Variants in PVT1 observed in about 807,000 individuals in gnomAD.
PVT1 encodes CXCR4/PVT1 fusion.
intron 2 of PVT1, among the ~76,000 whole-genome samples, chr8:127,848,292 C>T (rs556506745): frequency 2.0e-4 from 31 of 152,296 alleles, no homozygotes; most frequent in Admixed American, 2.0e-3. Flanking sequence ...TGGCATGTGC[C>T]TGTAGTCTCA....
At chr8:128,004,889 C>T (rs2130024530) in intron 4 of PVT1, among the ~76,000 whole-genome samples, 1 of 152,254 alleles carries the variant, frequency 6.6e-6, no homozygotes, top group East Asian at 1.9e-4. Context: ...GCCTGTAATC[C>T]CAGCACTTTG....
At chr8:127,927,943 A>T (rs1816151291) in intron 3 of PVT1, among the ~76,000 whole-genome samples, 1 of 152,230 alleles carries the variant, frequency 6.6e-6, no homozygotes, top group African/African-American at 2.4e-5. Context: ...AAAAATTCTC[A>T]GTGCGGTTGG....
intron 5 of PVT1, among the ~76,000 whole-genome samples, chr8:128,074,835 A>G (rs1356227702): frequency 6.6e-6 from 1 of 152,188 alleles, no homozygotes; most frequent in Non-Finnish European, 1.5e-5. Flanking sequence ...TCTTCCTCTC[A>G]CACTGCAGGC....
chr8:128,061,688 A>T (rs543053603), intron 4 of PVT1, among the ~76,000 whole-genome samples: 71 of 152,320 alleles, frequency 4.7e-4, no homozygotes, highest in African/African-American at 1.7e-3. Flanking sequence ...CTCCATTCAT[A>T]TGACGGTGCT....
intron 4 of PVT1, among the ~76,000 whole-genome samples, chr8:128,050,359 A>C (rs1398397835): frequency 6.6e-6 from 1 of 152,206 alleles, no homozygotes; most frequent in Non-Finnish European, 1.5e-5. Flanking sequence ...ACTCAAAAAC[A>C]GTAGCTCCGT....
At chr8:127,939,230 G>A (rs890436) in intron 3 of PVT1, among the ~76,000 whole-genome samples, 51,334 of 152,028 alleles carry the variant, frequency 0.34, 8,968 homozygotes, top group East Asian at 0.54. Context: ...GTACAAAGGT[G>A]GGGCTGTGGC....
At chr8:127,958,642 G>T (rs1271735716) in intron 3 of PVT1, among the ~76,000 whole-genome samples, 1 of 152,178 alleles carries the variant, frequency 6.6e-6, no homozygotes, top group African/African-American at 2.4e-5. Flanking sequence ...AGAAAGTCAG[G>T]CGCCAGAGGT....
At position 128,085,434 on chromosome 8, in the gene PVT1, T is replaced by C. The variant is rs75815380; in HGVS notation, n.1115-11084T>C. 3.3e-3 allele frequency among the ~76,000 whole-genome samples: 506 copies of C among 152,294 alleles called. 6 individuals carry two copies. The highest frequency in any genetic ancestry group is 0.012 in the African/African-American group (493 of 41,560). On this transcript the variant is annotated intron_variant and non_coding_transcript_variant, in intron 5 of 10. Coordinates refer to ENST00000651587, the Ensembl canonical transcript of PVT1. ...GCAGTAAATATGTAATCCACAATAG[T>C]AATGAGAACCCCACCTTAACTCTTC...
intron 3 of PVT1, among the ~76,000 whole-genome samples, chr8:127,920,828 TC>T (rs1242933759): frequency 6.6e-6 from 1 of 152,208 alleles, no homozygotes; most frequent in African/African-American, 2.4e-5. Flanking sequence ...TAGTTTGTAT[TC>T]CATATGCTTT....
intron 4 of PVT1, among the ~76,000 whole-genome samples, chr8:128,064,076 A>G (rs1310033559): frequency 6.6e-6 from 1 of 152,218 alleles, no homozygotes. Flanking sequence ...AACCAAAGCT[A>G]GAACTCATTG....
chr8:128,060,610 C>T (rs1192351531), intron 4 of PVT1, among the ~76,000 whole-genome samples: 1 of 152,192 alleles, frequency 6.6e-6, no homozygotes, highest in East Asian at 1.9e-4. Flanking sequence ...GACCTTCTTT[C>T]CTGAACACCA....
intron 2 of PVT1, among the ~76,000 whole-genome samples, chr8:127,857,767 C>T (rs918508572): frequency 1.3e-5 from 2 of 152,214 alleles, no homozygotes; most frequent in South Asian, 2.1e-4. Context: ...CTTTTTTACC[C>T]TCATGTTCTC....
chr8:127,887,413 A>G (rs996084827), intron 2 of PVT1, among the ~76,000 whole-genome samples: 5 of 152,204 alleles, frequency 3.3e-5, no homozygotes, highest in Admixed American at 2.6e-4. Flanking sequence ...ATTTTTAGAA[A>G]TATTTGTTCA....
intron 4 of PVT1, among the ~76,000 whole-genome samples, chr8:128,067,408 C>T (rs1354449868): frequency 1.3e-5 from 2 of 152,208 alleles, no homozygotes; most frequent in Non-Finnish European, 2.9e-5. Flanking sequence ...CCAGTCCTTC[C>T]TTCCACGGCT....
intron 4 of PVT1, among the ~76,000 whole-genome samples, chr8:128,045,445 A>G (rs1266613896): frequency 2.0e-5 from 3 of 152,176 alleles, no homozygotes; most frequent in Admixed American, 6.5e-5. Context: ...GTCAGTTCTT[A>G]TCTTTATTTC....
At chr8:128,093,681 A>C (rs1036652676) in intron 5 of PVT1, among the ~76,000 whole-genome samples, 2 of 151,844 alleles carry the variant, frequency 1.3e-5, no homozygotes, top group Admixed American at 6.5e-5. Context: ...TCTGTCACCC[A>C]GGCTGGAGCG....
At chr8:128,095,830 G>A (rs1195765253) in intron 5 of PVT1, among the ~76,000 whole-genome samples, 1 of 152,214 alleles carries the variant, frequency 6.6e-6, no homozygotes, top group Non-Finnish European at 1.5e-5. Context: ...ACGCATTCTC[G>A]ATGCCCTTTC....
intron 2 of PVT1, among the ~76,000 whole-genome samples, chr8:127,808,336 C>T (rs770780211): frequency 5.3e-5 from 8 of 152,218 alleles, no homozygotes; most frequent in East Asian, 1.9e-4. Context: ...GCGTGAGCCA[C>T]GGCGTCCAGC....
chr8:127,986,786 A>C (rs1385826580), intron 3 of PVT1, among the ~76,000 whole-genome samples: 1 of 152,204 alleles, frequency 6.6e-6, no homozygotes, highest in African/African-American at 2.4e-5. Context: ...GAAGCTTAGA[A>C]ATTTTAATTT....
Sources: allele counts gnomAD v4.1 joint callset (sites outside exome capture counted in the v4.1 genomes callset), GRCh38; gene constraint gnomAD v4.1.1; transcripts MANE v1.5; gene names NCBI Gene and HGNC (gene_info 2026-07-23, HGNC 2026-07-21).